The following DLGAP1 variants were observed in gnomAD, a reference collection of about 807,000 sequenced individuals.
DLGAP1 encodes disks large-associated protein 1.
DLGAP1 carries 11 observed loss-of-function variants against 90.8 expected under a neutral mutation model. The observed-to-expected ratio is 0.12, with a 90% CI of 0.08 to 0.20. The LOEUF (loss-of-function observed/expected upper bound fraction) is 0.20. Among genes scored for constraint, DLGAP1 ranks in the 10% least tolerant of loss-of-function variants. The pLI, the probability that DLGAP1 is intolerant of heterozygous loss-of-function variation, is 1.00. For missense variants in DLGAP1, 1,050 were observed against 1,333.8 expected (o/e 0.79, Z 3.31); for synonymous variants, 558 against 540.7 (o/e 1.03, Z -0.44).
chr18:3,749,900 C>T (rs2063430497), intron 5 of DLGAP1, among the ~76,000 whole-genome samples: 1 of 152,194 alleles, frequency 6.6e-6, no homozygotes, highest in Non-Finnish European at 1.5e-5. Context: ...CCAAATCCAG[C>T]TGATAATCAT....
intron 7 of DLGAP1, among the ~76,000 whole-genome samples, chr18:3,667,095 G>T (rs7233914): frequency 1 from 149,138 of 149,814 alleles, 74,231 homozygotes; most frequent in South Asian, 1. Context: ...TTTTTTTTTT[G>T]GGAGTCAGGG....
intron 5 of DLGAP1, among the ~76,000 whole-genome samples, chr18:3,779,645 T>G (rs887543348): frequency 2.0e-5 from 3 of 152,144 alleles, no homozygotes; most frequent in African/African-American, 7.2e-5. Context: ...TTGTTTAAGA[T>G]CCAGTTTAAA....
chr18:4,123,247 C>T (rs1397325482), intron 2 of DLGAP1, among the ~76,000 whole-genome samples: 2 of 152,000 alleles, frequency 1.3e-5, no homozygotes, highest in Non-Finnish European at 2.9e-5. Flanking sequence ...AGCCTGGACT[C>T]TGGGCCAGTT....
At chr18:3,563,538 C>T (rs1474721473) in intron 9 of DLGAP1, among the ~76,000 whole-genome samples, 2 of 151,732 alleles carry the variant, frequency 1.3e-5, no homozygotes, top group African/African-American at 2.4e-5. Context: ...GGCACGATCT[C>T]GGCTCACCAC....
chr18:4,247,419 T>C (rs771529690), intron 1 of DLGAP1, among the ~76,000 whole-genome samples: 15 of 152,094 alleles, frequency 9.9e-5, no homozygotes, highest in Non-Finnish European at 2.1e-4. Flanking sequence ...GCTTCCGTGG[T>C]TTTCATAGCT....
At chr18:3,850,612 G>A (rs1568237112) in intron 4 of DLGAP1, among the ~76,000 whole-genome samples, 1 of 152,098 alleles carries the variant, frequency 6.6e-6, no homozygotes, top group Non-Finnish European at 1.5e-5. Context: ...AAAAGAAACG[G>A]TGGTGGCAAA....
chr18:3,868,640 C>T (rs2070551209), intron 4 of DLGAP1, among the ~76,000 whole-genome samples: 1 of 152,126 alleles, frequency 6.6e-6, no homozygotes, highest in Non-Finnish European at 1.5e-5. Flanking sequence ...GATATAATTT[C>T]ATTAAATGTA....
intron 1 of DLGAP1, among the ~76,000 whole-genome samples, chr18:4,169,539 C>CT (rs2076989266): frequency 6.6e-6 from 1 of 152,156 alleles, no homozygotes; most frequent in African/African-American, 2.4e-5. Flanking sequence ...TTAACACATA[C>CT]TTTTTGTTAG....
At chr18:3,767,954 G>T (rs751128977) in intron 5 of DLGAP1, among the ~76,000 whole-genome samples, 7 of 151,994 alleles carry the variant, frequency 4.6e-5, no homozygotes, top group Non-Finnish European at 8.8e-5. Flanking sequence ...GAGTTGGAAA[G>T]GAACCTAGTT....
chr18:4,331,220 G>A lies in DLGAP1; in HGVS notation c.-267+123786C>T, dbSNP rs866648134. Among the ~76,000 whole-genome samples, 6 of 151,574 alleles carry A rather than the reference G, an allele frequency of 4.0e-5. No homozygotes were observed. The South Asian group carries it at 1.2e-3, about 31-fold the overall frequency. ...TTCATCTTTTCACTTTTAATGTCTTGCTTAAATGTATCACGGGACTGTGTT... is the reference window on the plus strand; with the variant it reads ...TTCATCTTTTCACTTTTAATGTCTTACTTAAATGTATCACGGGACTGTGTT... On this transcript the variant is annotated intron_variant, in intron 1 of 12. Coordinates refer to ENST00000315677, the MANE Select transcript of DLGAP1 (RefSeq NM_004746.4).
chr18:3,735,735 G>T (rs2147546450), intron 6 of DLGAP1, among the ~76,000 whole-genome samples: 1 of 152,232 alleles, frequency 6.6e-6, no homozygotes, highest in Admixed American at 6.5e-5. Context: ...CATGTATCAG[G>T]TAATCATAAA....
intron 3 of DLGAP1, among the ~76,000 whole-genome samples, chr18:3,955,005 G>A (rs1256860778): frequency 6.6e-6 from 1 of 152,176 alleles, no homozygotes; most frequent in Non-Finnish European, 1.5e-5. Flanking sequence ...AAAGAGAAGA[G>A]AGCTGCCTGG....
At chr18:4,049,957 T>TCC (rs1180976204) in intron 2 of DLGAP1, among the ~76,000 whole-genome samples, 52 of 136,350 alleles carry the variant, frequency 3.8e-4, no homozygotes, top group African/African-American at 6.8e-4. Context: ...CATCCATCCA[T>TCC]ACTTTAATTC....
intron 5 of DLGAP1, among the ~76,000 whole-genome samples, chr18:3,778,920 C>T (rs1210330982): frequency 1.3e-5 from 2 of 152,112 alleles, no homozygotes; most frequent in Admixed American, 6.5e-5. Context: ...AGTCACGTGG[C>T]GTTTATACAG....
intron 3 of DLGAP1, among the ~76,000 whole-genome samples, chr18:3,882,263 G>A (rs527431060): frequency 5.3e-5 from 8 of 152,106 alleles, no homozygotes; most frequent in East Asian, 1.9e-4. Flanking sequence ...AAGACCAGGC[G>A]TGGTGGCTGA....
chr18:4,104,662 C>T (rs993045636), intron 2 of DLGAP1, among the ~76,000 whole-genome samples: 21 of 152,078 alleles, frequency 1.4e-4, no homozygotes, highest in African/African-American at 3.9e-4. Flanking sequence ...TCTTGAGACA[C>T]GTTCTGTTTT....
At chr18:4,126,149 G>A (rs543508570) in intron 2 of DLGAP1, among the ~76,000 whole-genome samples, 29 of 152,300 alleles carry the variant, frequency 1.9e-4, no homozygotes, top group Admixed American at 1.7e-3. Flanking sequence ...GTAGCTTTTT[G>A]TAAGTGAGTC....
chr18:4,012,453 C>T (rs16945863), intron 2 of DLGAP1, among the ~76,000 whole-genome samples: 7,780 of 152,140 alleles, frequency 0.051, 288 homozygotes, highest in Middle Eastern at 0.14. Context: ...CCTCACAACA[C>T]GGAATGGCAC....
chr18:3,651,328 T>C (rs368965901), intron 7 of DLGAP1, among the ~76,000 whole-genome samples: 9 of 152,054 alleles, frequency 5.9e-5, no homozygotes, highest in South Asian at 2.1e-4. Context: ...CGCTGCACTC[T>C]AGCCTGGCGA....
Sources: allele counts gnomAD v4.1 joint callset (sites outside exome capture counted in the v4.1 genomes callset), GRCh38; gene constraint gnomAD v4.1.1; transcripts MANE v1.5; gene names NCBI Gene and HGNC (gene_info 2026-07-23, HGNC 2026-07-21).